The following PLXNA2 variants were observed in gnomAD, a reference collection of about 807,000 sequenced individuals.
PLXNA2 encodes the protein plexin A2, also known as plexin-A2.
Under a neutral mutation model 193.5 loss-of-function variants are expected in PLXNA2, and 91 were observed. The ratio of observed to expected loss-of-function variants is 0.47; its 90% CI spans 0.40 to 0.56. The LOEUF is 0.56. Ranked by LOEUF, PLXNA2 falls within the 20% of genes least tolerant of loss-of-function variation. PLXNA2 has a pLI of 0.00. For missense variants in PLXNA2, 1,995 were observed against 2,503.2 expected, an observed-to-expected ratio of 0.80 and a Z score of 4.33; for synonymous variants, 997 against 1,027.3, an observed-to-expected ratio of 0.97 and a Z score of 0.56.
intron 3 of PLXNA2, among the ~76,000 whole-genome samples, chr1:208,205,219 T>C (rs1164561703): frequency 1.3e-5 from 2 of 152,220 alleles, no homozygotes; most frequent in African/African-American, 4.8e-5. Flanking sequence ...GAAAATCATG[T>C]AAAATGAGTT....
At chr1:208,090,885 T>C (rs949909417) in intron 9 of PLXNA2, among the ~76,000 whole-genome samples, 4 of 152,218 alleles carry the variant, frequency 2.6e-5, no homozygotes, top group African/African-American at 7.2e-5. Flanking sequence ...GGCTCTGCTG[T>C]TCCTGGCTAG....
At chr1:208,181,024 C>T (rs1669826017) in intron 3 of PLXNA2, among the ~76,000 whole-genome samples, 2 of 152,344 alleles carry the variant, frequency 1.3e-5, no homozygotes, top group East Asian at 3.9e-4. Context: ...AGTGAGAAAC[C>T]TCTAGTGTCC....
chr1:208,029,390 C>T, intron 29 of PLXNA2: 1 of 1,076,808 alleles, frequency 9.3e-7, no homozygotes, highest in Middle Eastern at 4.4e-4. Flanking sequence ...CAGGGCTTCA[C>T]ACAAAGCCAC....
chr1:208,148,348 AAG>A (rs1287474842), intron 3 of PLXNA2, among the ~76,000 whole-genome samples: 4 of 152,110 alleles, frequency 2.6e-5, no homozygotes, highest in Non-Finnish European at 4.4e-5. Flanking sequence ...CTTAGTAGCA[AAG>A]AGATTGGTTT....
intron 3 of PLXNA2, among the ~76,000 whole-genome samples, chr1:208,162,150 A>AG (rs1338119820): frequency 6.6e-6 from 1 of 152,226 alleles, no homozygotes; most frequent in African/African-American, 2.4e-5. Context: ...ATGGGAAGGT[A>AG]GAAAAACCTG....
At chr1:208,185,236 G>A (rs1669958268) in intron 3 of PLXNA2, among the ~76,000 whole-genome samples, 1 of 152,104 alleles carries the variant, frequency 6.6e-6, no homozygotes, top group Non-Finnish European at 1.5e-5. Flanking sequence ...CAGGAGGTGG[G>A]GCCTCTCAGG....
chr1:208,188,726 A>G (rs1005372951), intron 3 of PLXNA2, among the ~76,000 whole-genome samples: 1 of 151,710 alleles, frequency 6.6e-6, no homozygotes, highest in Non-Finnish European at 1.5e-5. Context: ...AAAAAAAAAA[A>G]GAAAAAAAAT....
At position 208,060,840 on chromosome 1, in the gene PLXNA2, G is replaced by T. The variant is rs1408081803; in HGVS notation, c.2587-3C>A. On this transcript the variant is annotated splice_region_variant and splice_polypyrimidine_tract_variant and intron_variant, in intron 12 of 31. Transcript: ENST00000367033. ...GGCGGTCCAGACACCGTCAAAATCT[G>T]CAGGAGGGAAATGGGATTAGCAATT... is the stretch of plus-strand genomic sequence containing the variant. 2.5e-6 allele frequency: 4 copies of T among 1,613,648 alleles called. No individual in the cohort carries two copies. The highest frequency in any genetic ancestry group is 3.4e-6 in the Non-Finnish European group (4 of 1,179,796).
intron 17 of PLXNA2, among the ~76,000 whole-genome samples, chr1:208,050,115 A>G (rs140609820): frequency 6.6e-6 from 1 of 152,250 alleles, no homozygotes; most frequent in Non-Finnish European, 1.5e-5. Flanking sequence ...ATGGCTATGC[A>G]TGGAAGACTA....
chr1:208,127,313 C>T (rs1263099342), intron 4 of PLXNA2, among the ~76,000 whole-genome samples: 1 of 152,220 alleles, frequency 6.6e-6, no homozygotes, highest in East Asian at 1.9e-4. Flanking sequence ...TATTTACTCA[C>T]AACCAGTAAA....
At chr1:208,046,964 G>GT (rs1229225953) in intron 17 of PLXNA2, among the ~76,000 whole-genome samples, 2 of 151,900 alleles carry the variant, frequency 1.3e-5, no homozygotes, top group African/African-American at 4.8e-5. Flanking sequence ...AATGTTTTTT[G>GT]TTTTTTTGTT....
intron 3 of PLXNA2, among the ~76,000 whole-genome samples, chr1:208,164,192 G>A (rs1316443700): frequency 6.6e-6 from 1 of 152,298 alleles, no homozygotes; most frequent in South Asian, 2.1e-4. Context: ...CAGGCTACAG[G>A]GGAAGACTTC....
chr1:208,041,969 G>C, intron 22 of PLXNA2, 129 bp downstream of exon 22: 1 of 946,328 alleles, frequency 1.1e-6, no homozygotes, highest in Non-Finnish European at 1.6e-6. Context: ...GAGGACACAG[G>C]CTGCTCTGAA....
chr1:208,051,137 C>A (rs752799402), intron 16 of PLXNA2, 35 bp from the exon 17 acceptor site: 28 of 1,601,618 alleles, frequency 1.7e-5, no homozygotes, highest in East Asian at 8.9e-5. Context: ...AGGTAAAAAA[C>A]CCCCTCAAAT....
chr1:208,214,740 G>T (rs945712405), intron 2 of PLXNA2, among the ~76,000 whole-genome samples: 1 of 152,068 alleles, frequency 6.6e-6, no homozygotes, highest in African/African-American at 2.4e-5. Flanking sequence ...ACATTTCCAG[G>T]CATGGTGCTA....
In PLXNA2 at chr1:208,042,017, C is replaced by T. The variant is rs1187394264; in HGVS notation, c.4286+81G>A. The T allele has an allele frequency of 3.4e-6, 5 of 1,460,572 alleles. No homozygotes were observed. In the African/African-American group the frequency reaches 5.6e-5, roughly 16 times the overall value. 90.5% of individuals were successfully genotyped at this position (1,460,572 alleles called of 1,614,324 possible). A position where few individuals can be genotyped will look rare whatever the true frequency, so the allele number is the denominator to read the frequency against. ...CTGGGGAGTGGGCCTTCTCATGCTG[C>T]TTGTGGGGCCTGCTATAATGAGGTG... On this transcript the variant is annotated intron_variant, in intron 22 of 31. Coordinates refer to ENST00000367033, the MANE Select transcript of PLXNA2 (RefSeq NM_025179.4).
Position 208,051,412 on chromosome 1 carries a change from C to T in PLXNA2, c.3005G>A (p.Ser1002Asn), listed in dbSNP as rs533214931. The T allele has an allele frequency of 1.2e-6, 2 of 1,610,094 alleles. No homozygotes were observed. Among genetic ancestry groups the T allele is most frequent in the Admixed American group, 1.7e-5 (1 of 58,872 alleles). The stretch of plus-strand genomic sequence containing the variant: ...TGGGGGTGAGACACACACGATCTCA[C>T]TCATTGACCTCCTGACAGGGAGACA... ...QTCEFYGRSM[S>N]EIVCVSPPSS... Residue 1002 changes from serine to asparagine, a missense_variant, in exon 16 of 32, where the codon AGT (serine) becomes AAT (asparagine). By Grantham distance (46) the Ser-to-Asn change is conservative (BLOSUM62 1). Transcript: ENST00000367033.
At chr1:208,046,304 G>C (rs1325456854) in intron 17 of PLXNA2, among the ~76,000 whole-genome samples, 187 bp from the exon 18 acceptor site, 1 of 152,148 alleles carries the variant, frequency 6.6e-6, no homozygotes. Context: ...GGGCATTTTA[G>C]CTTCTTCATT....
chr1:208,054,750 C>T (rs1571867147), intron 13 of PLXNA2, among the ~76,000 whole-genome samples: 1 of 152,238 alleles, frequency 6.6e-6, no homozygotes, highest in Non-Finnish European at 1.5e-5. Flanking sequence ...AAGGTTGAAC[C>T]GGATCATCTC....
Sources: gnomAD v4.1 joint callset for allele counts (sites outside exome capture counted in the v4.1 genomes callset) on GRCh38, gnomAD v4.1.1 for gene constraint, MANE v1.5 for transcripts, NCBI Gene and HGNC (gene_info 2026-07-23, HGNC 2026-07-21) for gene names.